RUVBL1: variants seen among roughly 807,000 people sequenced by gnomAD.
RUVBL1 encodes ruvB-like 1.
Under a neutral mutation model 52.4 loss-of-function variants are expected in RUVBL1, and 4 were observed. The ratio of observed to expected loss-of-function variants is 0.08; its 90% CI spans 0.04 to 0.17. The LOEUF is 0.17. Ranked by LOEUF, RUVBL1 falls within the 10% of genes least tolerant of loss-of-function variation. The pLI is 1.00. For synonymous variants in RUVBL1, 217 were observed against 214.4 expected (o/e 1.01, Z -0.10); for missense variants, 298 against 572.8 (o/e 0.52, Z 4.90).
intron 9 of RUVBL1, among the ~76,000 whole-genome samples, chr3:128,066,073 C>G (rs1941969207): frequency 6.6e-6 from 1 of 151,928 alleles, no homozygotes; most frequent in African/African-American, 2.4e-5. Context: ...CCTCTGTATT[C>G]CGAGCCCTGT....
chr3:128,090,962 A>G lies in RUVBL1; in HGVS notation c.1017-3154T>C, dbSNP rs1350245744. On this transcript the variant is annotated intron_variant, in intron 8 of 10. Coordinates refer to ENST00000322623, the MANE Select transcript of RUVBL1 (RefSeq NM_003707.3). ...TTAGAGAAAAATAAAGTACTCCCAA[A>G]TCAAACTTCACAAGAACAGAATTTA... 2.0e-5 allele frequency among the ~76,000 whole-genome samples: 3 copies of G among 152,224 alleles called. No homozygotes were observed. The East Asian group carries it at 5.8e-4, about 29-fold the overall frequency.
At chr3:128,096,549 G>A (rs937814851) in intron 8 of RUVBL1, among the ~76,000 whole-genome samples, 46 of 152,174 alleles carry the variant, frequency 3.0e-4, no homozygotes, top group Non-Finnish European at 1.6e-4. Flanking sequence ...TGCTGGGGCC[G>A]GGCGTGGTGG....
rs540628292 is a variant in RUVBL1 at position 128,074,403 on chromosome 3, G to C, written c.940-9183C>G. On this transcript the variant is annotated intron_variant, in intron 9 of 9. Coordinates refer to the RUVBL1 transcript ENST00000464873. ...AAAAAAAAAAAAAATTCTAACAGTG[G>C]TTGCCTCTAGTGTGTTAGAGATTGG... Among the ~76,000 whole-genome samples the C allele has an allele frequency of 4.6e-5, 7 of 152,200 alleles. No homozygotes were observed. The South Asian group carries it at 1.2e-3, about 27-fold the overall frequency.
intron 7 of RUVBL1, among the ~76,000 whole-genome samples, chr3:128,097,877 T>C (rs960185292): frequency 6.6e-6 from 1 of 152,230 alleles, no homozygotes; most frequent in Admixed American, 6.5e-5. Flanking sequence ...CATTGGAGTT[T>C]GGGAGCCCTG....
intron 1 of RUVBL1, 48 bp from the exon 2 acceptor site, chr3:128,119,462 C>CT: frequency 6.6e-7 from 1 of 1,504,594 alleles, no homozygotes; most frequent in South Asian, 1.1e-5. Flanking sequence ...TAAAATGTTT[C>CT]ACAAGGGGAA....
intron 1 of RUVBL1, among the ~76,000 whole-genome samples, chr3:128,130,318 G>A (rs1559832964): frequency 2.6e-5 from 4 of 152,012 alleles, no homozygotes; most frequent in Admixed American, 6.6e-5. Flanking sequence ...GAAAAAAACT[G>A]TGAACAGACT....
intron 9 of RUVBL1, chr3:128,066,780 G>C: frequency 1.6e-6 from 1 of 618,060 alleles, no homozygotes. Context: ...CCAAGTGCAG[G>C]AGTGCAGTGG....
At chr3:128,075,130 G>A (rs935348256) in intron 9 of RUVBL1, 2 of 152,228 alleles carry the variant, frequency 1.3e-5, no homozygotes, top group African/African-American at 4.8e-5. Context: ...GGAGTGGAAA[G>A]AGCAAGGTCC....
chr3:128,071,954 G>A (rs1262116357), intron 9 of RUVBL1, among the ~76,000 whole-genome samples: 1 of 152,234 alleles, frequency 6.6e-6, no homozygotes, highest in Non-Finnish European at 1.5e-5. Context: ...AGAGGCCTCC[G>A]CTGAGCCAGG....
intron 9 of RUVBL1, among the ~76,000 whole-genome samples, chr3:128,072,997 C>T (rs1942212714): frequency 6.6e-6 from 1 of 152,164 alleles, no homozygotes; most frequent in Admixed American, 6.5e-5. Flanking sequence ...CACTTCACCC[C>T]ACTAGAGGCC....
intron 3 of RUVBL1, among the ~76,000 whole-genome samples, chr3:128,105,571 A>G (rs1197365309): frequency 6.6e-6 from 1 of 152,092 alleles, no homozygotes; most frequent in Non-Finnish European, 1.5e-5. Context: ...ATTCTATTCC[A>G]CCAGAACAGT....
chr3:128,101,749 T>A (rs1341336079), intron 4 of RUVBL1, 101 bp from the exon 5 acceptor site: 1 of 1,207,396 alleles, frequency 8.3e-7, no homozygotes, highest in Non-Finnish European at 1.2e-6. Flanking sequence ...AGCTAGCAGG[T>A]GCATGGAGAA....
intron 9 of RUVBL1, chr3:128,068,945 T>C (rs1437514014): frequency 6.6e-6 from 1 of 152,288 alleles, no homozygotes; most frequent in East Asian, 1.9e-4. Context: ...AAAGCCAGAA[T>C]TGCAAACTTC....
chr3:128,068,008 A>G (rs968211803), intron 9 of RUVBL1: 1 of 1,611,484 alleles, frequency 6.2e-7, no homozygotes, highest in Non-Finnish European at 8.5e-7. Flanking sequence ...AAGGAGCAGC[A>G]GATGGTGATG....
intron 1 of RUVBL1, among the ~76,000 whole-genome samples, chr3:128,142,396 G>A (rs979149845): frequency 3.3e-5 from 5 of 152,196 alleles, no homozygotes; most frequent in African/African-American, 4.8e-5. Context: ...GCCTGGTAAA[G>A]ACCTTGCAGA....
chr3:128,145,431 A>G (rs951666628), intron 1 of RUVBL1, among the ~76,000 whole-genome samples: 2 of 152,204 alleles, frequency 1.3e-5, no homozygotes, highest in African/African-American at 4.8e-5. Context: ...AGTTTCTGTC[A>G]TTTGTCCTCA....
intron 9 of RUVBL1, chr3:128,084,913 C>T (rs1464530362): frequency 1.3e-5 from 2 of 152,252 alleles, no homozygotes; most frequent in African/African-American, 4.8e-5. Flanking sequence ...GTTGGCCTGG[C>T]AAGTCACTGT....
chr3:128,083,654 G>C (rs1462898706), intron 9 of RUVBL1: 1 of 152,290 alleles, frequency 6.6e-6, no homozygotes, highest in African/African-American at 2.4e-5. Context: ...GCCAGGTGAG[G>C]GTGAAATGCT....
At chr3:128,152,895 C>CGCCCCCCCCGCCCCCCATCCTACCCCCCT (rs1203075802) in intron 1 of RUVBL1, among the ~76,000 whole-genome samples, 1 of 10,218 alleles carries the variant, frequency 9.8e-5, no homozygotes, top group African/African-American at 4.0e-4. Flanking sequence ...CCCTCCCCCA[C>CGCCCCCCCCGCCCCCCATCCTACCCCCCT]GTCCCCCCGC....
Sources: allele counts gnomAD v4.1 joint callset (sites outside exome capture counted in the v4.1 genomes callset), GRCh38; gene constraint gnomAD v4.1.1; transcripts MANE v1.5; gene names NCBI Gene and HGNC (gene_info 2026-07-23, HGNC 2026-07-21).